Variants in LTBP3 observed in about 807,000 individuals in gnomAD.
LTBP3 encodes latent transforming growth factor beta binding protein 3, also known as latent-transforming growth factor beta-binding protein 3.
A neutral mutation model predicts 159.7 loss-of-function variants in LTBP3; 97 were observed. That is an observed-to-expected ratio of 0.61 (90% CI 0.52 to 0.72). The LOEUF (loss-of-function observed/expected upper bound fraction) is 0.72. Among genes scored for constraint, LTBP3 ranks in the 30% least tolerant of loss-of-function variants. The pLI is 0.00. For synonymous variants in LTBP3, 824 were observed against 777.1 expected (o/e 1.06, Z -1.00); for missense variants, 1,584 against 1,864.3 (o/e 0.85, Z 2.77).
At position 65,546,852 on chromosome 11, in the gene LTBP3, T is replaced by C. The variant is rs142403359; in HGVS notation, c.2176A>G (p.Lys726Glu). ...GKCENKPGSF[K>E]CIACQPGYRS... The stretch of plus-strand genomic sequence containing the variant: ...TAGCCAGGCTGACAGGCGATGCACT[T>C]GAAGCTCCCGGGCTTGTTCTCGCAT... Residue 726 changes from lysine to glutamate, a missense_variant, in exon 15 of 28, where the codon AAG becomes GAG. This residue lies in a region of LTBP3 where 565 missense variants were observed against 677.7 expected (regional missense o/e 0.83). Coordinates refer to ENST00000301873, the MANE Select transcript of LTBP3 (RefSeq NM_001130144.3). This position sits in a 1 kb window ranked among gnomAD's most constrained non-coding sequence, Gnocchi z 4.0. 1 of 1,611,502 alleles carries C rather than the reference T, an allele frequency of 6.2e-7. No individual in the cohort carries two copies. Among genetic ancestry groups the C allele is most frequent in the Non-Finnish European group, 8.5e-7 (1 of 1,179,890 alleles).
chr11:65,551,942 G>A, intron 8 of LTBP3, 30 bp downstream of exon 8: 5 of 1,610,890 alleles, frequency 3.1e-6, no homozygotes, highest in South Asian at 1.1e-5. Flanking sequence ...GCTTGGCATG[G>A]GTCAGGGATC....
chr11:65,543,602 A>C, intron 16 of LTBP3, 53 bp from the exon 17 acceptor site: 1 of 1,612,138 alleles, frequency 6.2e-7, no homozygotes. Context: ...TTGGGTTTCT[A>C]CTACTGTTTT....
chr11:65,539,111 TGCGGGCGGCTGCGCGCGAAGCCG>T lies in LTBP3; in HGVS notation c.3858_3880del (p.Gly1287ArgfsTer55). ...GCGGCGCTGGGGAACGCAGGCCCCG[TGCGGGCGGCTGCGCGCGAAGCCG>T]GCTTTGCAGACGCAGCGGAAGGAGC... On this transcript the variant is annotated frameshift_variant, in exon 28 of 28. Coordinates refer to ENST00000301873, the MANE Select transcript of LTBP3 (RefSeq NM_001130144.3). LOFTEE classifies it high-confidence loss of function. 9 of 1,469,700 alleles carry T rather than the reference TGCGGGCGGCTGCGCGCGAAGCCG, an allele frequency of 6.1e-6. No individual in the cohort carries two copies. Among genetic ancestry groups the T allele is most frequent in the Non-Finnish European group, 8.1e-6 (9 of 1,108,250 alleles). The allele number at this position is 1,469,700 out of a possible 1,614,324, so 91.0% of individuals were successfully genotyped here. A position where few individuals can be genotyped will look rare whatever the true frequency, so the allele number is the denominator to read the frequency against.
Position 65,554,860 on chromosome 11 carries a change from C to G in LTBP3, c.332-480G>C, listed in dbSNP as rs1856752495. ...TCCCTCCTTCAGGCCTCAGTCCTCT[C>G]TGCCTGCTCTCCACCCTCTCCCTCT... On this transcript the variant is annotated intron_variant, in intron 1 of 27. Transcript: ENST00000301873. The surrounding 1 kb of genome is among the most constrained non-coding windows in gnomAD (Gnocchi z 5.3). Among the ~76,000 whole-genome samples, 1 of 152,040 alleles carries G rather than the reference C, an allele frequency of 6.6e-6. No homozygotes were observed. The highest frequency in any genetic ancestry group is 2.4e-5 in the African/African-American group (1 of 41,394).
intron 11 of LTBP3, 112 bp downstream of exon 11, chr11:65,551,014 G>T: frequency 1.1e-6 from 1 of 905,230 alleles, no homozygotes; most frequent in Non-Finnish European, 1.7e-6. Context: ...GCCCAGCCCT[G>T]GATACACGCT....
At position 65,547,694 on chromosome 11, in the gene LTBP3, G is replaced by A. The variant is rs779367368; in HGVS notation, c.1974C>T (p.Cys658=). 1 of 1,605,648 alleles carries A rather than the reference G, an allele frequency of 6.2e-7. No individual in the cohort carries two copies. The highest frequency in any genetic ancestry group is 8.5e-7 in the Non-Finnish European group (1 of 1,177,768). The change falls in exon 13 of 28, where the codon TGC becomes TGT. Residue 658 remains cysteine, a synonymous_variant. Coordinates refer to ENST00000301873, the MANE Select transcript of LTBP3 (RefSeq NM_001130144.3). The surrounding 1 kb of genome is among the most constrained non-coding windows in gnomAD (Gnocchi z 4.6). The part of the protein sequence containing the change: ...RLHVGAGGRS[C]VDLNECAKPH... The stretch of plus-strand genomic sequence containing the variant: ...CTCCGCCCTGGCGGCGCTCACCCAC[G>A]CACGAGCGCCCCCCGGCGCCCACGT...
At chr11:65,542,992 G>A (rs1373456875) in intron 18 of LTBP3, 113 bp downstream of exon 18, 12 of 1,349,484 alleles carry the variant, frequency 8.9e-6, no homozygotes, top group Non-Finnish European at 1.3e-5. Flanking sequence ...ATGGATGGAT[G>A]GATGAAGGAT....
chr11:65,540,467 G>A lies in LTBP3; in HGVS notation c.3106+19C>T. The A allele has an allele frequency of 6.2e-7, 1 of 1,612,892 alleles. No individual in the cohort carries two copies. The highest frequency in any genetic ancestry group is 8.5e-7 in the Non-Finnish European group (1 of 1,179,648). Reference sequence around the variant, plus strand: ...GTCTCCCTGCCGCTTCCCCACGGCCGCCGGGGGGCGGAGCTCACCCACGCA... The same window carrying A: ...GTCTCCCTGCCGCTTCCCCACGGCCACCGGGGGGCGGAGCTCACCCACGCA... On this transcript the variant is annotated intron_variant, in intron 22 of 27. Transcript: ENST00000301873.
At position 65,538,674 on chromosome 11, in the gene LTBP3, T is replaced by C. The variant is rs529032105; in HGVS notation, c.*406A>G. On this transcript the variant is annotated 3_prime_UTR_variant, in exon 28 of 28. Coordinates refer to ENST00000301873, the MANE Select transcript of LTBP3 (RefSeq NM_001130144.3). ...CCAGCCAGGCCATCTCACGTGTACA[T>C]AATCAGAGCCACAATAAATTCTATT... The C allele has an allele frequency of 1.7e-5, 22 of 1,299,026 alleles. No homozygotes were observed. In the African/African-American group the frequency reaches 2.5e-4, roughly 15 times the overall value. The allele number at this position is 1,299,026 out of a possible 1,614,324, so 80.5% of individuals were successfully genotyped here. A position where few individuals can be genotyped will look rare whatever the true frequency, so the allele number is the denominator to read the frequency against.
rs1856694026 is a variant in LTBP3 at position 65,553,649 on chromosome 11, C to T, written c.864+52G>A. The T allele has an allele frequency of 6.5e-7, 1 of 1,538,888 alleles. No homozygotes were observed. The highest frequency in any genetic ancestry group is 8.8e-7 in the Non-Finnish European group (1 of 1,142,200). On this transcript the variant is annotated intron_variant, in intron 3 of 27. Coordinates refer to ENST00000301873, the MANE Select transcript of LTBP3 (RefSeq NM_001130144.3). This position sits in a 1 kb window ranked among gnomAD's most constrained non-coding sequence, Gnocchi z 6.5. ...TTTCTGCTATCCGAGTGAGTTGGGG[C>T]AGAGCAACCCTGAGAGAAGGAAAGG...
chr11:65,549,584 T>TA, intron 11 of LTBP3, among the ~76,000 whole-genome samples: 1 of 130,182 alleles, frequency 7.7e-6, no homozygotes, highest in South Asian at 2.7e-4. Context: ...TTTTTTTTTT[T>TA]TTTTTTTGGA....
rs753560939 is a variant in LTBP3 at position 65,553,567 on chromosome 11, C to T, written c.865-37G>A. On this transcript the variant is annotated intron_variant, in intron 3 of 27. Transcript: ENST00000301873. The surrounding 1 kb of genome is among the most constrained non-coding windows in gnomAD (Gnocchi z 6.5). ...AGGGGGAGGTGGGGTCACAGAGCAC[C>T]CCGCCCCGGTGCCGCCTGTTAGGGT... 9 of 1,512,484 alleles carry T rather than the reference C, an allele frequency of 6.0e-6. No individual in the cohort carries two copies. In the South Asian group the frequency reaches 1.0e-4, roughly 17 times the overall value. 93.7% of individuals were successfully genotyped at this position (1,512,484 alleles called of 1,614,324 possible).
In LTBP3 at chr11:65,554,076, T is replaced by C. The variant is rs1350101639; in HGVS notation, c.636A>G (p.Leu212=). The C allele has an allele frequency of 6.2e-7, 1 of 1,605,832 alleles. No homozygotes were observed. The highest frequency in any genetic ancestry group is 1.7e-5 in the Admixed American group (1 of 59,972). ...CTTCTGCTGAGATCTGTCCCGGGCC[T>C]AGGGGCACCAGGAAGGCTGCGTGCT... ...PAQHAAFLVP[L]GPGQISAEVQ... Residue 212 remains leucine (L), a synonymous_variant, in exon 2 of 28, where the codon CTA becomes CTG. Coordinates refer to ENST00000301873, the MANE Select transcript of LTBP3 (RefSeq NM_001130144.3). This position sits in a 1 kb window ranked among gnomAD's most constrained non-coding sequence, Gnocchi z 5.3.
Position 65,539,790 on chromosome 11 carries a change from G to A in LTBP3, c.3477C>T (p.Phe1159=), listed in dbSNP as rs956271105. The change falls in exon 25 of 28, where the codon TTC becomes TTT. Residue 1159 remains phenylalanine, a synonymous_variant. Transcript: ENST00000301873. ...AGPLAGPALT[F]DDCCCRQGRG... The stretch of plus-strand genomic sequence containing the variant: ...GGCCCTGGCGGCAGCAGCAGTCGTC[G>A]AAGGTGAGGGCAGGCCCGGCCAGGG... 30 of 1,544,778 alleles carry A rather than the reference G, an allele frequency of 1.9e-5. No individual in the cohort carries two copies. The highest frequency in any genetic ancestry group is 2.5e-5 in the Non-Finnish European group (29 of 1,152,638).
Position 65,553,606 on chromosome 11 carries a change from C to T in LTBP3, c.865-76G>A. The T allele has an allele frequency of 1.3e-6, 2 of 1,510,334 alleles. No homozygotes were observed. Among genetic ancestry groups the T allele is most frequent in the African/African-American group, 1.4e-5 (1 of 72,790 alleles). 93.6% of individuals were successfully genotyped at this position (1,510,334 alleles called of 1,614,324 possible). ...GCCTGTTAGGGTTGGGCCTTTTCCT[C>T]TTCCCCCGCCCCTCAGTTTTCTGCT... is the stretch of plus-strand genomic sequence containing the variant. On this transcript the variant is annotated intron_variant, in intron 3 of 27. Coordinates refer to ENST00000301873, the MANE Select transcript of LTBP3 (RefSeq NM_001130144.3). This position sits in a 1 kb window ranked among gnomAD's most constrained non-coding sequence, Gnocchi z 6.5.
At chr11:65,544,355 T>G (rs1402701919) in intron 16 of LTBP3, 1 of 153,084 alleles carries the variant, frequency 6.5e-6, no homozygotes, top group Non-Finnish European at 1.5e-5. Flanking sequence ...CCCCAGACTC[T>G]GATAGTTCCC....
chr11:65,539,485 T>G, intron 26 of LTBP3, 26 bp from the exon 27 acceptor site: 3 of 1,586,550 alleles, frequency 1.9e-6, no homozygotes, highest in Non-Finnish European at 2.6e-6. Flanking sequence ...CAATATGGAC[T>G]TCAACACTGA....
intron 25 of LTBP3, 43 bp from the exon 26 acceptor site, chr11:65,539,671 C>T: frequency 6.3e-7 from 1 of 1,584,924 alleles, no homozygotes; most frequent in East Asian, 2.3e-5. Flanking sequence ...GGTCCCCGGG[C>T]CCTGGCCCCC....
chr11:65,551,645 C>T (rs1856618397), intron 8 of LTBP3, 81 bp from the exon 9 acceptor site: 1 of 1,554,838 alleles, frequency 6.4e-7, no homozygotes. Flanking sequence ...TGAGTATTTG[C>T]AGTTAGGGTC....
Sources: gnomAD v4.1 joint callset for allele counts (sites outside exome capture counted in the v4.1 genomes callset) on GRCh38, gnomAD v4.1.1 for gene constraint, gnomAD v4.1.1 regional missense constraint, Gnocchi (gnomAD v3.1) non-coding constraint, MANE v1.5 for transcripts, NCBI Gene and HGNC (gene_info 2026-07-23, HGNC 2026-07-21) for gene names.